The following PHACTR1 variants were observed in gnomAD, a reference collection of about 807,000 sequenced individuals.
PHACTR1 encodes the protein RPEL repeat containing 1.
A neutral mutation model predicts 69.2 loss-of-function variants in PHACTR1; 16 were observed. That is an observed-to-expected ratio of 0.23 (90% CI 0.16 to 0.35). PHACTR1 has a LOEUF of 0.35. Ranked by LOEUF, PHACTR1 falls within the 10% of genes least tolerant of loss-of-function variation. PHACTR1 has a pLI of 1.00. For missense variants in PHACTR1, 510 were observed against 734.7 expected, an observed-to-expected ratio of 0.69 and a Z score of 3.54; for synonymous variants, 312 against 284.5, an observed-to-expected ratio of 1.10 and a Z score of -0.97.
intron 7 of PHACTR1, among the ~76,000 whole-genome samples, chr6:13,193,903 C>T (rs1763976061): frequency 6.6e-6 from 1 of 152,038 alleles, no homozygotes; most frequent in African/African-American, 2.4e-5. Flanking sequence ...GCAGAAGGCC[C>T]AGGTTCAACA....
At chr6:12,832,840 A>G (rs1030291182) in intron 4 of PHACTR1, among the ~76,000 whole-genome samples, 3 of 152,116 alleles carry the variant, frequency 2.0e-5, no homozygotes, top group African/African-American at 7.2e-5. Context: ...CGGGGTGTGG[A>G]ATAATATGCT....
chr6:12,909,914 T>C (rs560392163), intron 4 of PHACTR1, among the ~76,000 whole-genome samples: 3 of 152,344 alleles, frequency 2.0e-5, no homozygotes, highest in African/African-American at 7.2e-5. Context: ...CAAACAACCA[T>C]TGGTGATCTC....
At chr6:12,954,630 C>T (rs1582675620) in intron 4 of PHACTR1, among the ~76,000 whole-genome samples, 2 of 152,054 alleles carry the variant, frequency 1.3e-5, no homozygotes, top group Admixed American at 1.3e-4. Flanking sequence ...TGGGGCAACA[C>T]AAGGAAAGAA....
At chr6:12,990,062 T>C (rs1192683676) in intron 4 of PHACTR1, among the ~76,000 whole-genome samples, 1 of 152,140 alleles carries the variant, frequency 6.6e-6, no homozygotes, top group Non-Finnish European at 1.5e-5. Flanking sequence ...TCTTGTGGCT[T>C]TCCACAACTT....
chr6:12,951,887 T>C (rs1791337204), intron 4 of PHACTR1, among the ~76,000 whole-genome samples: 2 of 151,994 alleles, frequency 1.3e-5, no homozygotes, highest in South Asian at 2.1e-4. Flanking sequence ...TCAACAAGAG[T>C]TTGTTAAACC....
chr6:12,997,404 A>T (rs1266354126), intron 4 of PHACTR1, among the ~76,000 whole-genome samples: 3 of 148,630 alleles, frequency 2.0e-5, no homozygotes, highest in African/African-American at 2.4e-5. Flanking sequence ...GTATATATTT[A>T]TATATAGATA....
chr6:12,806,445 T>G (rs1159769105), intron 4 of PHACTR1, among the ~76,000 whole-genome samples: 1 of 152,178 alleles, frequency 6.6e-6, no homozygotes, highest in Non-Finnish European at 1.5e-5. Context: ...ATTCAGGCCC[T>G]TATTCCCTCT....
chr6:12,901,199 T>C (rs1322263459), intron 4 of PHACTR1, among the ~76,000 whole-genome samples: 1 of 152,190 alleles, frequency 6.6e-6, no homozygotes, highest in African/African-American at 2.4e-5. Context: ...AAGGATTCTC[T>C]TTTCTGCTTC....
At chr6:12,798,340 T>C (rs1489943848) in intron 4 of PHACTR1, among the ~76,000 whole-genome samples, 1 of 152,054 alleles carries the variant, frequency 6.6e-6, no homozygotes, top group African/African-American at 2.4e-5. Context: ...TAGAATAGTG[T>C]AGATGAAATT....
chr6:12,720,827 C>T (rs547398119), intron 3 of PHACTR1, among the ~76,000 whole-genome samples: 9 of 152,308 alleles, frequency 5.9e-5, no homozygotes, highest in Admixed American at 3.3e-4. Flanking sequence ...ACAGTATTTA[C>T]GAACCAGTCC....
chr6:13,261,509 G>T, intron 10 of PHACTR1, among the ~76,000 whole-genome samples: 1 of 152,150 alleles, frequency 6.6e-6, no homozygotes, highest in East Asian at 1.9e-4. Context: ...GTTTGAAATG[G>T]CAACAGAGCA....
At chr6:12,908,824 C>T (rs956541658) in intron 4 of PHACTR1, among the ~76,000 whole-genome samples, 5 of 152,200 alleles carry the variant, frequency 3.3e-5, no homozygotes, top group Admixed American at 2.6e-4. Flanking sequence ...CAGGAAGCCG[C>T]ACATCTCCTT....
In PHACTR1 at chr6:12,832,041, A is replaced by G. The variant is rs115060129; in HGVS notation, c.250+82251A>G. Reference sequence around the variant, plus strand: ...AAGGATCACTTGAGCCTAAGAGTTTAAGGCTGCAGGGAGCCATGATTGTGC... The same window carrying G: ...AAGGATCACTTGAGCCTAAGAGTTTGAGGCTGCAGGGAGCCATGATTGTGC... On this transcript the variant is annotated intron_variant, in intron 4 of 14. Transcript: ENST00000332995. Among the ~76,000 whole-genome samples the G allele has an allele frequency of 7.0e-3, 1,068 of 152,190 alleles. 17 individuals are homozygous for G. The highest frequency in any genetic ancestry group is 0.024 in the African/African-American group (1,017 of 41,528).
At chr6:12,900,294 T>C (rs1057223892) in intron 4 of PHACTR1, among the ~76,000 whole-genome samples, 6 of 152,194 alleles carry the variant, frequency 3.9e-5, no homozygotes, top group African/African-American at 1.2e-4. Context: ...ATTTTTTTTT[T>C]CGAAGCGGAT....
At chr6:13,209,336 CAGAA>C (rs1309189553) in intron 8 of PHACTR1, among the ~76,000 whole-genome samples, 2 of 152,202 alleles carry the variant, frequency 1.3e-5, no homozygotes, top group Non-Finnish European at 2.9e-5. Context: ...AAGTTTTATA[CAGAA>C]AGAAAGAATC....
intron 4 of PHACTR1, among the ~76,000 whole-genome samples, chr6:13,017,652 T>A (rs1800384936): frequency 6.6e-6 from 1 of 152,196 alleles, no homozygotes; most frequent in Admixed American, 6.5e-5. Flanking sequence ...GAAAGTGAAG[T>A]ATTTTCTGTA....
chr6:13,103,645 G>A (rs371381890), intron 5 of PHACTR1, among the ~76,000 whole-genome samples: 1 of 152,124 alleles, frequency 6.6e-6, no homozygotes, highest in African/African-American at 2.4e-5. Context: ...AAACTTACAG[G>A]AAAGTTGTGA....
At chr6:13,042,489 T>C (rs1804344468) in intron 4 of PHACTR1, among the ~76,000 whole-genome samples, 1 of 152,190 alleles carries the variant, frequency 6.6e-6, no homozygotes, top group South Asian at 2.1e-4. Context: ...CCGTCAAAGT[T>C]ACCTGGGCTG....
intron 4 of PHACTR1, among the ~76,000 whole-genome samples, chr6:12,920,160 A>C (rs759878046): frequency 4.6e-5 from 7 of 152,240 alleles, no homozygotes; most frequent in Non-Finnish European, 7.3e-5. Flanking sequence ...AAATTTGCTG[A>C]AAGTTTCCAA....
Sources: gnomAD v4.1 joint callset for allele counts (sites outside exome capture counted in the v4.1 genomes callset) on GRCh38, gnomAD v4.1.1 for gene constraint, MANE v1.5 for transcripts, NCBI Gene and HGNC (gene_info 2026-07-23, HGNC 2026-07-21) for gene names.